SSBP3: variants seen among roughly 807,000 people sequenced by gnomAD.
SSBP3 encodes the protein single stranded DNA binding protein 3.
In SSBP3, 5 loss-of-function variants were observed where a neutral mutation model predicts 69.6. That is an observed-to-expected ratio of 0.07 (90% CI 0.04 to 0.15). SSBP3 has a LOEUF of 0.15. Ranked by LOEUF, SSBP3 falls within the 10% of genes least tolerant of loss-of-function variation. SSBP3 has a pLI of 1.00. For synonymous variants in SSBP3, 196 were observed against 193.4 expected (o/e 1.01, Z -0.11); for missense variants, 312 against 534.0 (o/e 0.58, Z 4.10).
chr1:54,268,199 G>A (rs914252373), intron 5 of SSBP3, among the ~76,000 whole-genome samples: 1 of 152,248 alleles, frequency 6.6e-6, no homozygotes, highest in Admixed American at 6.5e-5. Context: ...CTGGAACATG[G>A]GGTGAACGTG....
intron 4 of SSBP3, among the ~76,000 whole-genome samples, chr1:54,387,789 C>T (rs1648197178): frequency 6.6e-6 from 1 of 152,208 alleles, no homozygotes. Flanking sequence ...CGGCTCTCCA[C>T]CATGACCCCA....
intron 4 of SSBP3, among the ~76,000 whole-genome samples, chr1:54,306,165 C>T (rs1295183836): frequency 1.3e-5 from 2 of 152,100 alleles, no homozygotes; most frequent in Non-Finnish European, 1.5e-5. Context: ...TATCCCCTAT[C>T]CCCCAGGATC....
intron 4 of SSBP3, among the ~76,000 whole-genome samples, chr1:54,369,596 C>T (rs1047755018): frequency 5.3e-5 from 8 of 152,166 alleles, no homozygotes; most frequent in South Asian, 2.1e-4. Context: ...GTCCTGCAGT[C>T]GTCTGTTCTT....
intron 4 of SSBP3, among the ~76,000 whole-genome samples, chr1:54,376,805 C>T (rs1430300311): frequency 6.6e-6 from 1 of 152,194 alleles, no homozygotes; most frequent in Non-Finnish European, 1.5e-5. Flanking sequence ...AACCTGGGCA[C>T]CCTTGACAGA....
upstream of SSBP3, among the ~76,000 whole-genome samples, chr1:54,407,812 C>A (rs1211440462): frequency 6.7e-6 from 1 of 148,962 alleles, no homozygotes; most frequent in Non-Finnish European, 1.5e-5. Flanking sequence ...TAACGCCCCT[C>A]CCCCTAACAT....
intron 4 of SSBP3, among the ~76,000 whole-genome samples, chr1:54,382,301 C>A (rs1449018447): frequency 6.6e-6 from 1 of 152,180 alleles, no homozygotes; most frequent in Non-Finnish European, 1.5e-5. Context: ...TCTTGAACTC[C>A]TAGGCTCAAG....
At chr1:54,280,484 C>A (rs951108250) in intron 5 of SSBP3, among the ~76,000 whole-genome samples, 2 of 152,218 alleles carry the variant, frequency 1.3e-5, no homozygotes, top group Non-Finnish European at 2.9e-5. Flanking sequence ...CTTTTCCACA[C>A]AACAGCTCTT....
chr1:54,277,269 C>T (rs1266657544), intron 5 of SSBP3, among the ~76,000 whole-genome samples: 2 of 152,054 alleles, frequency 1.3e-5, no homozygotes, highest in Non-Finnish European at 2.9e-5. Flanking sequence ...CAGAATCATT[C>T]TCACGGTGTT....
chr1:54,249,290 C>T (rs1235725227), intron 9 of SSBP3, among the ~76,000 whole-genome samples: 1 of 152,222 alleles, frequency 6.6e-6, no homozygotes, highest in Non-Finnish European at 1.5e-5. Context: ...AAATTAAAAG[C>T]AATCACCAAA....
chr1:54,281,480 G>A lies in SSBP3; in HGVS notation c.324C>T (p.Asn108=), dbSNP rs770287674. 2.0e-5 allele frequency: 32 copies of A among 1,570,294 alleles called. No homozygotes were observed. The South Asian group carries it at 3.4e-4, about 17-fold the overall frequency. Residue 108 remains asparagine (N), a synonymous_variant, in exon 5 of 18, where the codon AAC becomes AAT. Transcript: ENST00000610401. ...GGATGGGGCCTCCCGGCATCCCATC[G>A]TTGGGGGGAATGTTGCCAAGCACGG...
chr1:54,284,415 T>G (rs75259249), intron 4 of SSBP3, among the ~76,000 whole-genome samples: 14 of 151,924 alleles, frequency 9.2e-5, no homozygotes, highest in African/African-American at 3.4e-4. Flanking sequence ...ATTTGGGTAT[T>G]TGATTTTTTA....
At chr1:54,242,089 C>A (rs1285694523) in intron 11 of SSBP3, 75 bp downstream of exon 11, 2 of 1,549,304 alleles carry the variant, frequency 1.3e-6, no homozygotes, top group Non-Finnish European at 1.8e-6. Context: ...GACACCTACA[C>A]CCAGGGACAG....
intron 7 of SSBP3, among the ~76,000 whole-genome samples, chr1:54,256,196 A>G (rs1644918611): frequency 6.7e-6 from 1 of 148,812 alleles, no homozygotes; most frequent in Admixed American, 6.7e-5. Context: ...CACTCAGACA[A>G]TGCTAATTTA....
At chr1:54,410,608 T>A (rs1649963361), upstream of SSBP3, among the ~76,000 whole-genome samples, 1 of 152,224 alleles carries the variant, frequency 6.6e-6, no homozygotes, top group South Asian at 2.1e-4. Flanking sequence ...GCTCTGGTTT[T>A]AGCAGAAGTT....
At position 54,243,221 on chromosome 1, in the gene SSBP3, C is replaced by A; in HGVS notation, c.716+14G>T. On this transcript the variant is annotated intron_variant, in intron 10 of 17. Coordinates refer to ENST00000610401, the Ensembl canonical transcript of SSBP3. ...CTGGACTCTGAGCCACGGGCCGGGT[C>A]GTTTTTGCCTTACATGTTAATCCCG... is the stretch of plus-strand genomic sequence containing the variant. 3 of 1,613,418 alleles carry A rather than the reference C, an allele frequency of 1.9e-6. No homozygotes were observed. Among genetic ancestry groups the A allele is most frequent in the South Asian group, 2.2e-5 (2 of 91,024 alleles).
chr1:54,383,588 G>A (rs556450038), intron 4 of SSBP3, among the ~76,000 whole-genome samples: 1 of 152,236 alleles, frequency 6.6e-6, no homozygotes, highest in East Asian at 1.9e-4. Context: ...TAATGCAAAG[G>A]TCAACTGTAG....
At chr1:54,389,085 A>C (rs1055569371) in intron 4 of SSBP3, among the ~76,000 whole-genome samples, 1 of 152,188 alleles carries the variant, frequency 6.6e-6, no homozygotes, top group Non-Finnish European at 1.5e-5. Context: ...TGAAATTTCC[A>C]ATGTTTTTCT....
At chr1:54,405,542 G>A (rs1051187226) in intron 1 of SSBP3, 4 of 153,156 alleles carry the variant, frequency 2.6e-5, no homozygotes, top group African/African-American at 9.6e-5. Context: ...ACAAAAGGAG[G>A]CTTCGGGGCT....
intron 4 of SSBP3, among the ~76,000 whole-genome samples, chr1:54,391,626 C>G (rs1439064828): frequency 3.3e-5 from 5 of 152,200 alleles, no homozygotes; most frequent in Non-Finnish European, 5.9e-5. Context: ...CCCCAGGGAG[C>G]AGTTGTGCTT....
Sources: allele counts gnomAD v4.1 joint callset (sites outside exome capture counted in the v4.1 genomes callset), GRCh38; gene constraint gnomAD v4.1.1; transcripts MANE v1.5; gene names NCBI Gene and HGNC (gene_info 2026-07-23, HGNC 2026-07-21).